TIMELESS: variants seen among roughly 807,000 people sequenced by gnomAD.
TIMELESS encodes timeless circadian regulator, also known as protein timeless homolog.
In TIMELESS, 124 loss-of-function variants were observed where a neutral mutation model predicts 164.3. That is an observed-to-expected ratio of 0.75 (90% CI 0.65 to 0.88). The LOEUF (loss-of-function observed/expected upper bound fraction) is 0.88. Ranked by LOEUF, TIMELESS falls within the 40% of genes least tolerant of loss-of-function variation. The pLI, the probability that TIMELESS is intolerant of heterozygous loss-of-function variation, is 0.00. For missense variants in TIMELESS, 1,422 were observed against 1,491.4 expected (o/e 0.95, Z 0.77); for synonymous variants, 564 against 563.4 (o/e 1.00, Z -0.02).
intron 5 of TIMELESS, 101 bp from the exon 6 acceptor site, chr12:56,433,228 G>A: frequency 7.0e-7 from 1 of 1,425,934 alleles, no homozygotes. Context: ...GGATTAAAAA[G>A]AAAGAGTTCA....
intron 1 of TIMELESS, among the ~76,000 whole-genome samples, chr12:56,442,140 A>G (rs1868284583): frequency 7.9e-6 from 1 of 126,920 alleles, no homozygotes; most frequent in South Asian, 2.5e-4. Flanking sequence ...CAAATATAGA[A>G]CAAACAATGT....
chr12:56,441,349 T>C (rs767276237), intron 1 of TIMELESS, among the ~76,000 whole-genome samples: 2 of 152,018 alleles, frequency 1.3e-5, no homozygotes, highest in Non-Finnish European at 2.9e-5. Context: ...TGGCTGGACA[T>C]GGTGGCTCAC....
At chr12:56,422,624 G>A (rs1565680120) in intron 19 of TIMELESS, among the ~76,000 whole-genome samples, 1 of 152,168 alleles carries the variant, frequency 6.6e-6, no homozygotes, top group Non-Finnish European at 1.5e-5. Flanking sequence ...GGCTGGTGAT[G>A]GAGAAGGAAA....
At position 56,423,370 on chromosome 12, in the gene TIMELESS, C is replaced by A. The variant is rs1881561581; in HGVS notation, c.2196G>T (p.Leu732=). The A allele has an allele frequency of 6.2e-7, 1 of 1,614,152 alleles. No homozygotes were observed. The highest frequency in any genetic ancestry group is 8.5e-7 in the Non-Finnish European group (1 of 1,180,034). Residue 732 remains leucine, a synonymous_variant, in exon 18 of 29, where the codon CTG becomes CTT. Transcript: ENST00000553532. Reference sequence around the variant, plus strand: ...GGGCTTCCATTTTGAGGTCATGGGCCAGCCGGTGCAGCATCTTCACAATGC... The same window carrying A: ...GGGCTTCCATTTTGAGGTCATGGGCAAGCCGGTGCAGCATCTTCACAATGC... The part of the protein sequence containing the change: ...NHCIVKMLHR[L]AHDLKMEALL...
At position 56,420,987 on chromosome 12, in the gene TIMELESS, G is replaced by C. The variant is rs371178529; in HGVS notation, c.3016C>G (p.Leu1006Val). 2 of 1,614,006 alleles carry C rather than the reference G, an allele frequency of 1.2e-6. No individual in the cohort carries two copies. Among genetic ancestry groups the C allele is most frequent in the Non-Finnish European group, 1.7e-6 (2 of 1,180,036 alleles). ...QGSLVLSNEN[L>V]GQSLHQEGFS... is the part of the protein sequence containing the mutation. ...CCTTCCTGATGCAGGCTTTGACCAAGGTTTTCATTTGAAAGGACTAAGCTA... is the reference window on the plus strand; with the variant it reads ...CCTTCCTGATGCAGGCTTTGACCAACGTTTTCATTTGAAAGGACTAAGCTA... The change falls in exon 24 of 29, where the codon CTT becomes GTT. Residue 1006 changes from leucine to valine, a missense_variant. Leu to Val is a conservative substitution (Grantham distance 32). Coordinates refer to ENST00000553532, the MANE Select transcript of TIMELESS (RefSeq NM_003920.5).
At chr12:56,427,107 C>G (rs1342381513) in intron 13 of TIMELESS, among the ~76,000 whole-genome samples, 1 of 151,998 alleles carries the variant, frequency 6.6e-6, no homozygotes, top group Non-Finnish European at 1.5e-5. Context: ...CAGGTATGTG[C>G]CACCATGCTG....
chr12:56,431,333 GA>G, intron 8 of TIMELESS, 137 bp downstream of exon 8: 1 of 1,116,150 alleles, frequency 9.0e-7, no homozygotes, highest in Non-Finnish European at 1.2e-6. Flanking sequence ...CAGCCTGGGC[GA>G]CAAGAGCAAA....
chr12:56,432,447 G>C lies in TIMELESS; in HGVS notation c.609C>G (p.Leu203=). 1.2e-6 allele frequency: 2 copies of C among 1,614,244 alleles called. No individual in the cohort carries two copies. The highest frequency in any genetic ancestry group is 1.7e-6 in the Non-Finnish European group (2 of 1,180,038). ...IHLSGLDDLL[L]FLASSSAEEQ... ...CCTCAGCAGACGAGCTGGCCAGAAA[G>C]AGGAGCAGGTCATCCAGGCCGCTGA... The change falls in exon 7 of 29, where the codon CTC becomes CTG. Residue 203 remains leucine (L), a synonymous_variant. Transcript: ENST00000553532.
chr12:56,425,133 C>A lies in TIMELESS; in HGVS notation c.1598G>T (p.Arg533Met). The change falls in exon 14 of 29, where the codon AGG becomes ATG. Residue 533 changes from arginine to methionine, a missense_variant. By Grantham distance (91) the Arg-to-Met change is moderately conservative (BLOSUM62 -1). Transcript: ENST00000553532. ...LVVQNKQKKR[R>M]KKKKKVLDQA... The stretch of plus-strand genomic sequence containing the variant: ...GTCTAGGACCTTCTTCTTCTTCTTC[C>A]TTCTCTTCTTTTGTTTGTTCTGTGG... 6.2e-7 allele frequency: 1 copy of A among 1,613,654 alleles called. No homozygotes were observed. Among genetic ancestry groups the A allele is most frequent in the Non-Finnish European group, 8.5e-7 (1 of 1,179,954 alleles).
In TIMELESS at chr12:56,423,874, T is replaced by A; in HGVS notation, c.1889A>T (p.Asp630Val). The stretch of plus-strand genomic sequence containing the variant: ...AGAAATGTCTTGAGAGCCAAACACA[T>A]CTCCTTCAGGCCACACCTCCCTGGA... ...RSAREVWPEG[D>V]VFGSQDISPE... Residue 630 changes from aspartate to valine, a missense_variant, in exon 16 of 29, where the codon GAT becomes GTT. Asp to Val is a radical substitution (Grantham distance 152). Coordinates refer to ENST00000553532, the MANE Select transcript of TIMELESS (RefSeq NM_003920.5). 1 of 1,613,966 alleles carries A rather than the reference T, an allele frequency of 6.2e-7. No individual in the cohort carries two copies. Among genetic ancestry groups the A allele is most frequent in the Non-Finnish European group, 8.5e-7 (1 of 1,179,994 alleles).
Position 56,423,667 on chromosome 12 carries a change from T to C in TIMELESS, c.2007A>G (p.Glu669=), listed in dbSNP as rs576139603. The change falls in exon 17 of 29, where the codon GAA becomes GAG. Residue 669 remains glutamate (E), a synonymous_variant. Coordinates refer to ENST00000553532, the MANE Select transcript of TIMELESS (RefSeq NM_003920.5). The part of the protein sequence containing the change: ...GPEERGAEEE[E]EEEEEEEEEL... ...CCTCCTCTTCCTCCTCCTCCTCCTC[T>C]TCTTCTTCCTCTGCCCCACGTTCCT... 5.6e-6 allele frequency: 9 copies of C among 1,613,222 alleles called. No individual in the cohort carries two copies. Among genetic ancestry groups the C allele is most frequent in the East Asian group, 2.2e-5 (1 of 44,882 alleles).
At chr12:56,428,182 CCCTT>C in intron 13 of TIMELESS, 50 bp downstream of exon 13, 1 of 1,488,724 alleles carries the variant, frequency 6.7e-7, no homozygotes, top group Non-Finnish European at 9.0e-7. Flanking sequence ...GAAAGAGCCC[CCCTT>C]CCTTGACTCT....
At chr12:56,448,153 C>G (rs765770695) in intron 1 of TIMELESS, among the ~76,000 whole-genome samples, 3 of 152,212 alleles carry the variant, frequency 2.0e-5, no homozygotes, top group Non-Finnish European at 2.9e-5. Flanking sequence ...CACCCGTAAT[C>G]CCAGCACTGT....
At position 56,429,026 on chromosome 12, in the gene TIMELESS, G is replaced by A; in HGVS notation, c.1161C>T (p.Ala387=). ...GCCGGAAGGAGGCAGCTCGGTTGAA[G>A]GCCATGAAGAAAGCCAAGGCCCACA... The part of the protein sequence containing the change: ...YYMWALAFFM[A]FNRAASFRPG... The change falls in exon 11 of 29, where the codon GCC becomes GCT. Residue 387 remains alanine (A), a synonymous_variant. Coordinates refer to ENST00000553532, the MANE Select transcript of TIMELESS (RefSeq NM_003920.5). The A allele has an allele frequency of 6.2e-7, 1 of 1,614,140 alleles. No homozygotes were observed. Among genetic ancestry groups the A allele is most frequent in the Non-Finnish European group, 8.5e-7 (1 of 1,180,026 alleles).
In TIMELESS at chr12:56,423,336, G is replaced by A; in HGVS notation, c.2230C>T (p.Gln744Ter). Reference protein sequence around the residue: ...HDLKMEALLFQLSVFCLFNRL... With the variant: ...HDLKMEALLF Reference sequence around the variant, plus strand: ...TTGAAGAGGCAGAAGACTGACAGCTGAAAAAGTAGGGCTTCCATTTTGAGG... The same window carrying A: ...TTGAAGAGGCAGAAGACTGACAGCTAAAAAAGTAGGGCTTCCATTTTGAGG... The change falls in exon 18 of 29, where the codon CAG becomes TAG. Residue 744 changes from glutamine (Q) to a stop codon, truncating the protein, a stop_gained. Coordinates refer to ENST00000553532, the MANE Select transcript of TIMELESS (RefSeq NM_003920.5). LOFTEE classifies it high-confidence loss of function. 6.2e-7 allele frequency: 1 copy of A among 1,614,140 alleles called. No individual in the cohort carries two copies. Among genetic ancestry groups the A allele is most frequent in the Non-Finnish European group, 8.5e-7 (1 of 1,180,026 alleles).
intron 6 of TIMELESS, 148 bp from the exon 7 acceptor site, chr12:56,432,672 C>T (rs1317224582): frequency 1.3e-5 from 14 of 1,095,634 alleles, no homozygotes; most frequent in South Asian, 9.8e-5. Flanking sequence ...TGGCCGGGCG[C>T]GGTGGCTCAC....
At chr12:56,428,177 AG>A (rs1356813349) in intron 13 of TIMELESS, 58 bp downstream of exon 13, 77 of 1,470,374 alleles carry the variant, frequency 5.2e-5, no homozygotes, top group Non-Finnish European at 6.6e-5. Context: ...GAGAAGAAAG[AG>A]CCCCCCTTCC....
chr12:56,447,306 T>C (rs1868373249), intron 1 of TIMELESS, among the ~76,000 whole-genome samples: 1 of 151,610 alleles, frequency 6.6e-6, no homozygotes, highest in Admixed American at 6.6e-5. Flanking sequence ...GTTTTGACAA[T>C]GTTCCTCAGG....
In TIMELESS at chr12:56,417,626, A is replaced by C; in HGVS notation, c.*90T>G. On this transcript the variant is annotated 3_prime_UTR_variant, in exon 29 of 29. Coordinates refer to ENST00000553532, the MANE Select transcript of TIMELESS (RefSeq NM_003920.5). ...TTCTACTGCTCTGTCCAGTAAGAGG[A>C]GCTTCTGGGTCCTGTATGACCCTTC... The C allele has an allele frequency of 7.9e-7, 1 of 1,268,496 alleles. No individual in the cohort carries two copies. The highest frequency in any genetic ancestry group is 1.2e-5 in the South Asian group (1 of 82,650). 78.6% of individuals were successfully genotyped at this position (1,268,496 alleles called of 1,614,324 possible). A position where few individuals can be genotyped will look rare whatever the true frequency, so the allele number is the denominator to read the frequency against.
Sources: gnomAD v4.1 joint callset for allele counts (sites outside exome capture counted in the v4.1 genomes callset) on GRCh38, gnomAD v4.1.1 for gene constraint, MANE v1.5 for transcripts, NCBI Gene and HGNC (gene_info 2026-07-23, HGNC 2026-07-21) for gene names.